The following PIEZO2 variants were observed in gnomAD, a reference collection of about 807,000 sequenced individuals.
The protein encoded by PIEZO2 is piezo-type mechanosensitive ion channel component 2.
PIEZO2 carries 172 observed loss-of-function variants against 337.3 expected under a neutral mutation model. The observed-to-expected ratio is 0.51, with a 90% confidence interval of 0.45 to 0.58. PIEZO2 has a LOEUF of 0.58. Ranked by LOEUF, PIEZO2 falls within the 20% of genes least tolerant of loss-of-function variation. PIEZO2 has a pLI of 0.00. For missense variants in PIEZO2, 3,028 were observed against 3,391.3 expected (o/e 0.89, Z 2.66); for synonymous variants, 1,251 against 1,228.5 (o/e 1.02, Z -0.38).
chr18:10,838,718 T>C (rs1424802060), intron 7 of PIEZO2, among the ~76,000 whole-genome samples: 1 of 152,140 alleles, frequency 6.6e-6, no homozygotes, highest in Non-Finnish European at 1.5e-5. Context: ...ATTCTATGAG[T>C]GTTGCAAATT....
intron 13 of PIEZO2, among the ~76,000 whole-genome samples, chr18:10,792,873 A>C (rs1445387515): frequency 6.6e-6 from 1 of 152,204 alleles, no homozygotes; most frequent in East Asian, 1.9e-4. Flanking sequence ...AAGTTGCTGC[A>C]CCATTTTACA....
chr18:11,025,168 A>G (rs1056119138), intron 2 of PIEZO2, among the ~76,000 whole-genome samples: 1 of 151,884 alleles, frequency 6.6e-6, no homozygotes, highest in African/African-American at 2.4e-5. Context: ...GCCTCAACAC[A>G]CTCTGCCCTG....
intron 7 of PIEZO2, among the ~76,000 whole-genome samples, chr18:10,816,724 C>T (rs1260386938): frequency 6.6e-6 from 1 of 151,984 alleles, no homozygotes; most frequent in Non-Finnish European, 1.5e-5. Flanking sequence ...TGAGTCAGTA[C>T]GTTTTCAAAT....
chr18:10,712,155 C>T (rs1460942598), intron 39 of PIEZO2, among the ~76,000 whole-genome samples: 1 of 152,300 alleles, frequency 6.6e-6, no homozygotes, highest in East Asian at 1.9e-4. Context: ...CCTTCGTTCA[C>T]CCTGTAACTA....
At chr18:10,827,141 T>C (rs895953905) in intron 7 of PIEZO2, among the ~76,000 whole-genome samples, 1 of 152,168 alleles carries the variant, frequency 6.6e-6, no homozygotes. Context: ...TTATCTCTGG[T>C]GGAAAAATAA....
At position 11,109,888 on chromosome 18, in the gene PIEZO2, T is replaced by C. The variant is rs1425218614; in HGVS notation, c.64+38637A>G. 6.6e-6 allele frequency among the ~76,000 whole-genome samples: 1 copy of C among 152,214 alleles called. No homozygotes were observed. Among genetic ancestry groups the C allele is most frequent in the Admixed American group, 6.5e-5 (1 of 15,290 alleles). On this transcript the variant is annotated intron_variant, in intron 1 of 55. Coordinates refer to ENST00000674853, the MANE Select transcript of PIEZO2 (RefSeq NM_001378183.1). The surrounding 1 kb of genome is among the most constrained non-coding windows in gnomAD (Gnocchi z 5.1). ...TGAAATTTCTAGTTAGATTTGACTT[T>C]ATTATAGTCATCTAAAGTGGAACGG...
rs1057524577 is a variant in PIEZO2, at chr18:10,759,908, G to T, written c.3452C>A (p.Thr1151Asn). ...GACGTTAACTGACATTAGGAAACAG[G>T]TCTGTGTAAAGATGAAAAGAGGCAA... ...NYFFYKFGLE[T>N]CFLMSVNVIG... Residue 1151 changes from threonine to asparagine, a missense_variant and splice_region_variant, in exon 25 of 56, where the codon ACC becomes AAC. By Grantham distance (65) the Thr-to-Asn change is moderately conservative. Coordinates refer to ENST00000674853, the MANE Select transcript of PIEZO2 (RefSeq NM_001378183.1). The surrounding 1 kb of genome is among the most constrained non-coding windows in gnomAD (Gnocchi z 5.5). 4.6e-6 allele frequency: 7 copies of T among 1,536,992 alleles called. No homozygotes were observed. The highest frequency in any genetic ancestry group is 1.4e-5 in the African/African-American group (1 of 73,116).
chr18:10,824,887 A>T lies in PIEZO2; in HGVS notation c.918-17613T>A, dbSNP rs1186311895. The stretch of plus-strand genomic sequence containing the variant: ...CATTTTCTTTATTTTTGTTTGAAAC[A>T]GAGTCTTTCTCTGTCACCCAGGCTG... On this transcript the variant is annotated intron_variant, in intron 7 of 55. Coordinates refer to ENST00000674853, the MANE Select transcript of PIEZO2 (RefSeq NM_001378183.1). This position sits in a 1 kb window ranked among gnomAD's most constrained non-coding sequence, Gnocchi z 4.4. 6.6e-6 allele frequency among the ~76,000 whole-genome samples: 1 copy of T among 152,172 alleles called. No individual in the cohort carries two copies. The highest frequency in any genetic ancestry group is 1.9e-4 in the East Asian group (1 of 5,192).
intron 3 of PIEZO2, among the ~76,000 whole-genome samples, chr18:10,935,317 G>A (rs2032330350): frequency 1.3e-5 from 2 of 152,188 alleles, no homozygotes; most frequent in Non-Finnish European, 2.9e-5. Flanking sequence ...AATGAACAAA[G>A]AGGAAGGTAA....
chr18:10,867,447 G>A (rs2042034923), intron 5 of PIEZO2, among the ~76,000 whole-genome samples: 1 of 152,154 alleles, frequency 6.6e-6, no homozygotes. Context: ...TTGAGGTCCA[G>A]AATAAATTTA....
At chr18:11,040,997 A>G (rs2037100582) in intron 2 of PIEZO2, among the ~76,000 whole-genome samples, 1 of 152,198 alleles carries the variant, frequency 6.6e-6, no homozygotes, top group South Asian at 2.1e-4. Context: ...ACTGTTTTCT[A>G]CAAAACAGCT....
At position 10,798,439 on chromosome 18, in the gene PIEZO2, T is replaced by A. The variant is rs115687204; in HGVS notation, c.1379-917A>T. 2.5e-3 allele frequency among the ~76,000 whole-genome samples: 379 copies of A among 152,352 alleles called. 2 individuals are homozygous for A. The highest frequency in any genetic ancestry group is 8.6e-3 in the African/African-American group (357 of 41,580). ...TGGTGTGTCCTTGGCAGAAGCCCAC[T>A]GGCTCTCATTCTTCCTGCAGTAGGA... is the stretch of plus-strand genomic sequence containing the variant. On this transcript the variant is annotated intron_variant, in intron 11 of 55. Coordinates refer to ENST00000674853, the MANE Select transcript of PIEZO2 (RefSeq NM_001378183.1).
Position 10,853,816 on chromosome 18 carries a change from CTAAAA to C in PIEZO2, c.917+1532_917+1536del, listed in dbSNP as rs1176287759. ...ATCTAAATAACTCACCATGTATCTC[CTAAAA>C]TAATGGCATTTTTCTGTCTACCCAC... On this transcript the variant is annotated intron_variant, in intron 7 of 55. Coordinates refer to ENST00000674853, the MANE Select transcript of PIEZO2 (RefSeq NM_001378183.1). This position sits in a 1 kb window ranked among gnomAD's most constrained non-coding sequence, Gnocchi z 4.2. Among the ~76,000 whole-genome samples the C allele has an allele frequency of 6.6e-6, 1 of 152,174 alleles. No homozygotes were observed. Among genetic ancestry groups the C allele is most frequent in the Non-Finnish European group, 1.5e-5 (1 of 68,030 alleles).
rs1317402784 is a variant in PIEZO2 at position 10,899,925 on chromosome 18, G to C, written c.329+11261C>G. Among the ~76,000 whole-genome samples the C allele has an allele frequency of 6.6e-6, 1 of 152,060 alleles. No individual in the cohort carries two copies. The highest frequency in any genetic ancestry group is 1.5e-5 in the Non-Finnish European group (1 of 68,030). Reference sequence around the variant, plus strand: ...ATTAACTCGAAGACTGTTTATATTAGTCATAATGATCCAATTTAGGAAGAT... The same window carrying C: ...ATTAACTCGAAGACTGTTTATATTACTCATAATGATCCAATTTAGGAAGAT... On this transcript the variant is annotated intron_variant, in intron 4 of 55. Transcript: ENST00000674853. This position sits in a 1 kb window ranked among gnomAD's most constrained non-coding sequence, Gnocchi z 4.6.
chr18:10,875,698 C>T (rs1277632163), intron 4 of PIEZO2, among the ~76,000 whole-genome samples: 1 of 152,132 alleles, frequency 6.6e-6, no homozygotes, highest in Non-Finnish European at 1.5e-5. Flanking sequence ...CTTCTTACAC[C>T]ACAACAGACA....
At position 10,724,930 on chromosome 18, in the gene PIEZO2, C is replaced by G. The variant is rs974023308; in HGVS notation, c.5029+6477G>C. The G allele has an allele frequency of 3.1e-6, 5 of 1,603,696 alleles. No homozygotes were observed. The Admixed American group carries it at 8.4e-5, about 27-fold the overall frequency. On this transcript the variant is annotated intron_variant, in intron 36 of 55. Transcript: ENST00000674853. The surrounding 1 kb of genome is among the most constrained non-coding windows in gnomAD (Gnocchi z 5.8). The stretch of plus-strand genomic sequence containing the variant: ...CCTGGGACAGCCTCCACCTGGACGG[C>G]GATGGAACCCAGGTGGGCGCACCCT...
At chr18:10,896,824 G>T (rs1462012608) in intron 4 of PIEZO2, among the ~76,000 whole-genome samples, 1 of 152,204 alleles carries the variant, frequency 6.6e-6, no homozygotes, top group African/African-American at 2.4e-5. Flanking sequence ...TGAGAAGAAG[G>T]TTCCTGTTGG....
rs1327099509 is a variant in PIEZO2, at chr18:11,116,795, A to G, written c.64+31730T>C. The stretch of plus-strand genomic sequence containing the variant: ...TCTAACTGTATAGCACAGTAGGGTG[A>G]CTATAGTTAACAATAATTTATTGTG... On this transcript the variant is annotated intron_variant, in intron 1 of 55. Coordinates refer to ENST00000674853, the MANE Select transcript of PIEZO2 (RefSeq NM_001378183.1). The surrounding 1 kb of genome is among the most constrained non-coding windows in gnomAD (Gnocchi z 5.0). 6.6e-6 allele frequency among the ~76,000 whole-genome samples: 1 copy of G among 151,150 alleles called. No individual in the cohort carries two copies. Among genetic ancestry groups the G allele is most frequent in the African/African-American group, 2.4e-5 (1 of 41,096 alleles).
At position 10,726,574 on chromosome 18, in the gene PIEZO2, C is replaced by T. The variant is rs1567990567; in HGVS notation, c.5029+4833G>A. 3 of 1,406,532 alleles carry T rather than the reference C, an allele frequency of 2.1e-6. No homozygotes were observed. In the East Asian group the frequency reaches 7.5e-5, roughly 35 times the overall value. The allele number at this position is 1,406,532 out of a possible 1,614,324, so 87.1% of individuals were successfully genotyped here. The stretch of plus-strand genomic sequence containing the variant: ...CCGCCACGCTGTGCGTCTGTCCTTC[C>T]GCCAGCTCTTCCAGGACCTGGCGCG... On this transcript the variant is annotated intron_variant, in intron 36 of 55. Coordinates refer to ENST00000674853, the MANE Select transcript of PIEZO2 (RefSeq NM_001378183.1). The surrounding 1 kb of genome is among the most constrained non-coding windows in gnomAD (Gnocchi z 5.9).
Sources: allele counts gnomAD v4.1 joint callset (sites outside exome capture counted in the v4.1 genomes callset), GRCh38; gene constraint gnomAD v4.1.1; non-coding constraint Gnocchi (gnomAD v3.1); transcripts MANE v1.5; gene names NCBI Gene and HGNC (gene_info 2026-07-23, HGNC 2026-07-21).